Variants in FBXW7 observed in about 807,000 individuals in gnomAD.
The protein encoded by FBXW7 is F-box and WD repeat domain containing 7, also known as F-box/WD repeat-containing protein 7.
FBXW7 carries 11 observed loss-of-function variants against 86.3 expected under a neutral mutation model. The observed-to-expected ratio is 0.13, with a 90% CI of 0.08 to 0.21. The LOEUF is 0.21. FBXW7 is among the 10% of genes least tolerant of loss of function. FBXW7 has a pLI of 1.00. For missense variants in FBXW7, 488 were observed against 847.4 expected, an observed-to-expected ratio of 0.58 and a Z score of 5.27; for synonymous variants, 313 against 297.9, an observed-to-expected ratio of 1.05 and a Z score of -0.52.
intron 2 of FBXW7, among the ~76,000 whole-genome samples, chr4:152,462,778 A>G (rs1195872615): frequency 6.6e-6 from 1 of 152,230 alleles, no homozygotes; most frequent in Admixed American, 6.5e-5. Context: ...CACTAGCATC[A>G]CTGCATTCTT....
At chr4:152,437,154 CTG>C (rs1740457141) in intron 2 of FBXW7, among the ~76,000 whole-genome samples, 1 of 151,976 alleles carries the variant, frequency 6.6e-6, no homozygotes, top group African/African-American at 2.4e-5. Context: ...TTAAGAATAT[CTG>C]TGTTTCACAG....
intron 2 of FBXW7, among the ~76,000 whole-genome samples, chr4:152,508,146 G>C (rs1747603168): frequency 6.6e-6 from 1 of 152,082 alleles, no homozygotes; most frequent in East Asian, 1.9e-4. Context: ...CCTTGAAGAG[G>C]CTTCATGGGG....
chr4:152,368,531 A>C (rs1255373618), intron 4 of FBXW7, among the ~76,000 whole-genome samples: 1 of 152,082 alleles, frequency 6.6e-6, no homozygotes, highest in Admixed American at 6.6e-5. Flanking sequence ...AAATTTGTGA[A>C]TCAGTTCTTT....
intron 2 of FBXW7, among the ~76,000 whole-genome samples, chr4:152,474,639 T>C (rs1451847746): frequency 6.6e-6 from 1 of 152,184 alleles, no homozygotes; most frequent in Non-Finnish European, 1.5e-5. Context: ...CCTATTATCT[T>C]GTATCTTTCA....
At chr4:152,497,756 A>G (rs183997886) in intron 2 of FBXW7, among the ~76,000 whole-genome samples, 1 of 152,314 alleles carries the variant, frequency 6.6e-6, no homozygotes, top group African/African-American at 2.4e-5. Flanking sequence ...TGATTCAGCA[A>G]TTCTACTTTC....
intron 2 of FBXW7, among the ~76,000 whole-genome samples, chr4:152,529,102 G>A (rs766126974): frequency 6.6e-6 from 1 of 151,976 alleles, no homozygotes; most frequent in Non-Finnish European, 1.5e-5. Flanking sequence ...TTTTTCCCTG[G>A]TCCACTCAAA....
intron 2 of FBXW7, among the ~76,000 whole-genome samples, chr4:152,519,068 G>A (rs544367331): frequency 6.6e-6 from 1 of 152,312 alleles, no homozygotes; most frequent in East Asian, 1.9e-4. Flanking sequence ...AGAGGTGAAG[G>A]TGGGTGGATC....
rs115442146 is a variant in FBXW7, at chr4:152,500,256, T to C, written c.-120+34685A>G. ...TTTAATCTTTTGACTTCTTCCTCTA[T>C]ATTATGCTATGAGTTTTTAGGCATT... On this transcript the variant is annotated intron_variant, in intron 2 of 13. Coordinates refer to ENST00000281708, the MANE Select transcript of FBXW7 (RefSeq NM_001349798.2). Among the ~76,000 whole-genome samples the C allele has an allele frequency of 5.4e-3, 826 of 152,250 alleles. 11 individuals are homozygous for C. Among genetic ancestry groups the C allele is most frequent in the African/African-American group, 0.019 (780 of 41,558 alleles).
chr4:152,465,193 GAAAAA>G (rs35606609), intron 2 of FBXW7, among the ~76,000 whole-genome samples: 1 of 144,488 alleles, frequency 6.9e-6, no homozygotes, highest in Non-Finnish European at 1.5e-5. Context: ...TACCTTCAAG[GAAAAA>G]AAAAAGTCTC....
At chr4:152,413,959 C>G (rs1240501555) in intron 2 of FBXW7, among the ~76,000 whole-genome samples, 1 of 152,104 alleles carries the variant, frequency 6.6e-6, no homozygotes, top group Non-Finnish European at 1.5e-5. Context: ...GATTCCCATT[C>G]ACAGTAATTG....
intron 4 of FBXW7, among the ~76,000 whole-genome samples, chr4:152,356,208 C>T (rs1041806560): frequency 1.3e-5 from 2 of 152,078 alleles, no homozygotes; most frequent in African/African-American, 4.8e-5. Context: ...TAAAGATTCA[C>T]ATCTTACTCA....
intron 2 of FBXW7, among the ~76,000 whole-genome samples, chr4:152,520,737 A>G (rs574198038): frequency 7.3e-4 from 111 of 152,332 alleles, no homozygotes; most frequent in African/African-American, 2.6e-3. Context: ...ATCAGCCAAA[A>G]GCACTATTCA....
chr4:152,500,194 G>C (rs1283111614), intron 2 of FBXW7, among the ~76,000 whole-genome samples: 6 of 152,126 alleles, frequency 3.9e-5, no homozygotes, highest in African/African-American at 1.4e-4. Context: ...TAAGTGAATG[G>C]TCACAGTGAT....
chr4:152,349,721 T>C (rs982927435), intron 5 of FBXW7, among the ~76,000 whole-genome samples: 13 of 151,888 alleles, frequency 8.6e-5, no homozygotes, highest in African/African-American at 2.4e-4. Flanking sequence ...GCTGTTCCTA[T>C]AGTAACAAGA....
At chr4:152,497,277 G>A (rs1247997705) in intron 2 of FBXW7, among the ~76,000 whole-genome samples, 4 of 124,146 alleles carry the variant, frequency 3.2e-5, no homozygotes, top group African/African-American at 9.5e-5. Flanking sequence ...AGCCAAGATC[G>A]CACCACTGCA....
At chr4:152,342,171 T>C (rs1208390903) in intron 6 of FBXW7, among the ~76,000 whole-genome samples, 1 of 152,112 alleles carries the variant, frequency 6.6e-6, no homozygotes, top group African/African-American at 2.4e-5. Context: ...AAATTGCAAA[T>C]GCAAATTTGA....
chr4:152,522,691 TC>T (rs1749135085), intron 2 of FBXW7, among the ~76,000 whole-genome samples: 1 of 152,176 alleles, frequency 6.6e-6, no homozygotes, highest in African/African-American at 2.4e-5. Flanking sequence ...GTGCCAAATG[TC>T]CCCTGGGGAC....
chr4:152,378,078 C>G lies in FBXW7; in HGVS notation c.502-27954G>C, dbSNP rs542327849. Reference sequence around the variant, plus strand: ...TTTCATGATAGAAAGGCAGAGAGAGCTGAGTGCAACAGAGGCCAACTACAC... The same window carrying G: ...TTTCATGATAGAAAGGCAGAGAGAGGTGAGTGCAACAGAGGCCAACTACAC... On this transcript the variant is annotated intron_variant, in intron 4 of 13. Coordinates refer to ENST00000281708, the MANE Select transcript of FBXW7 (RefSeq NM_001349798.2). Among the ~76,000 whole-genome samples the G allele has an allele frequency of 2.1e-4, 32 of 152,098 alleles. 1 individual carries two copies. The highest frequency in any genetic ancestry group is 4.3e-4 in the Non-Finnish European group (29 of 68,034).
chr4:152,429,964 G>A (rs1305932029), intron 2 of FBXW7, among the ~76,000 whole-genome samples: 1 of 151,990 alleles, frequency 6.6e-6, no homozygotes, highest in Non-Finnish European at 1.5e-5. Context: ...ATATTTTATG[G>A]CTTTGTTGTT....
Sources: allele counts gnomAD v4.1 joint callset (sites outside exome capture counted in the v4.1 genomes callset), GRCh38; gene constraint gnomAD v4.1.1; transcripts MANE v1.5; gene names NCBI Gene and HGNC (gene_info 2026-07-23, HGNC 2026-07-21).